The following HMCN1 variants were observed in gnomAD, a reference collection of about 807,000 sequenced individuals.
HMCN1 encodes the protein hemicentin 1, also known as hemicentin-1.
A neutral mutation model predicts 625.9 loss-of-function variants in HMCN1; 321 were observed. The ratio of observed to expected loss-of-function variants is 0.51; its 90% confidence interval spans 0.47 to 0.56. The LOEUF is 0.56. HMCN1 is among the 20% of genes least tolerant of loss of function. HMCN1 has a pLI of 0.00. For missense variants in HMCN1, 6,588 were observed against 6,887.3 expected (o/e 0.96, Z 1.54); for synonymous variants, 2,425 against 2,417.6 (o/e 1.00, Z -0.09).
chr1:185,912,869 C>A (rs971651220), intron 6 of HMCN1, among the ~76,000 whole-genome samples: 1 of 152,046 alleles, frequency 6.6e-6, no homozygotes, highest in Non-Finnish European at 1.5e-5. Context: ...ATGAAGATAT[C>A]CTGTACATTG....
chr1:185,970,011 A>C (rs1650698448), intron 14 of HMCN1, among the ~76,000 whole-genome samples: 1 of 152,134 alleles, frequency 6.6e-6, no homozygotes, highest in African/African-American at 2.4e-5. Flanking sequence ...GATGGTAGAA[A>C]CTTCCTTTCA....
At position 186,057,417 on chromosome 1, in the gene HMCN1, G is replaced by A. The variant is rs1336534059; in HGVS notation, c.7312+16G>A. 1.3e-6 allele frequency: 2 copies of A among 1,561,714 alleles called. No homozygotes were observed. Among genetic ancestry groups the A allele is most frequent in the African/African-American group, 1.4e-5 (1 of 73,732 alleles). ...ATTCTTTCAGGTATTAGAAATTCTG[G>A]TAGCCTTATAATCTTGTTAGCTTCA... On this transcript the variant is annotated intron_variant, in intron 46 of 106. Coordinates refer to ENST00000271588, the MANE Select transcript of HMCN1 (RefSeq NM_031935.3).
At position 186,188,010 on chromosome 1, in the gene HMCN1, G is replaced by GTA. The variant is rs1195749000; in HGVS notation, c.16541+3_16541+4dup. On this transcript the variant is annotated splice_donor_variant, in intron 106 of 106. Transcript: ENST00000271588. LOFTEE classifies it high-confidence loss of function. ...ACTACCAACGGGATCCTGTTTCAGGGTATGTCTTGCCTTCTCATCCCAGAC... is the reference window on the plus strand; with the variant it reads ...ACTACCAACGGGATCCTGTTTCAGGGTATATGTCTTGCCTTCTCATCCCAGAC... 3.5e-5 allele frequency: 57 copies of GTA among 1,613,676 alleles called. No homozygotes were observed. Among genetic ancestry groups the GTA allele is most frequent in the Non-Finnish European group, 4.5e-5 (53 of 1,179,760 alleles).
intron 100 of HMCN1, among the ~76,000 whole-genome samples, chr1:186,167,448 G>C (rs685486): frequency 1.4e-4 from 22 of 152,220 alleles, no homozygotes; most frequent in Admixed American, 3.9e-4. Flanking sequence ...TCTCACACCA[G>C]GGCGGTACGT....
At chr1:185,874,362 G>A (rs1319097028) in intron 4 of HMCN1, among the ~76,000 whole-genome samples, 1 of 151,932 alleles carries the variant, frequency 6.6e-6, no homozygotes, top group East Asian at 1.9e-4. Flanking sequence ...AATAGCAAAG[G>A]GGAGATGAAA....
chr1:186,071,709 A>G (rs1337274785), intron 52 of HMCN1, among the ~76,000 whole-genome samples: 2 of 152,190 alleles, frequency 1.3e-5, no homozygotes, highest in African/African-American at 4.8e-5. Flanking sequence ...GTCATCTTAT[A>G]AAATAAGCAA....
chr1:186,115,179 T>A, intron 74 of HMCN1, 79 bp from the exon 75 acceptor site: 1 of 1,552,178 alleles, frequency 6.4e-7, no homozygotes, highest in Non-Finnish European at 8.9e-7. Flanking sequence ...TAATGACTAA[T>A]TTCAGTTCAG....
At chr1:186,136,451 A>T (rs1649607416) in intron 86 of HMCN1, among the ~76,000 whole-genome samples, 2 of 152,160 alleles carry the variant, frequency 1.3e-5, no homozygotes, top group Admixed American at 6.6e-5. Flanking sequence ...GCTCTAGGCT[A>T]ATCTCAGGAA....
At chr1:186,128,711 T>C (rs1228676032) in intron 83 of HMCN1, among the ~76,000 whole-genome samples, 1 of 152,022 alleles carries the variant, frequency 6.6e-6, no homozygotes, top group African/African-American at 2.4e-5. Flanking sequence ...CCTCAACCTC[T>C]ATTATAGTGT....
At chr1:186,143,304 A>G (rs760237197) in intron 89 of HMCN1, among the ~76,000 whole-genome samples, 3 of 152,240 alleles carry the variant, frequency 2.0e-5, no homozygotes, top group Non-Finnish European at 4.4e-5. Flanking sequence ...ATTTCTGCTC[A>G]TATTTTGATT....
intron 69 of HMCN1, among the ~76,000 whole-genome samples, chr1:186,105,389 GT>G (rs1216295765): frequency 2.0e-5 from 3 of 152,148 alleles, no homozygotes; most frequent in Admixed American, 6.5e-5. Context: ...TCTCAACTTT[GT>G]TTTTTCGTGT....
rs57003461 is a variant in HMCN1 at position 185,776,442 on chromosome 1, T to TTGTGTG, written c.268+41425_268+41430dup. Among the ~76,000 whole-genome samples the TTGTGTG allele has an allele frequency of 2.7e-3, 395 of 147,096 alleles. 4 individuals are homozygous for TTGTGTG. Among genetic ancestry groups the TTGTGTG allele is most frequent in the African/African-American group, 8.9e-3 (356 of 40,188 alleles). On this transcript the variant is annotated intron_variant, in intron 1 of 106. Transcript: ENST00000271588. ...AAGTATTAACAATAATTGTATAGGG[T>TTGTGTG]TGTGTGTGTGTGTGTGTGTGTGTGT...
chr1:186,107,244 C>G (rs1484235034), intron 70 of HMCN1, among the ~76,000 whole-genome samples: 1 of 152,128 alleles, frequency 6.6e-6, no homozygotes, highest in Non-Finnish European at 1.5e-5. Context: ...TGCCACCACG[C>G]CCGGCTAATT....
At chr1:186,113,936 T>C (rs770089268) in intron 72 of HMCN1, 43 bp from the exon 73 acceptor site, 14 of 1,610,614 alleles carry the variant, frequency 8.7e-6, no homozygotes, top group Non-Finnish European at 1.2e-5. Flanking sequence ...CAGGCTGTAT[T>C]ATTTAGTCTC....
rs759967411 is a variant in HMCN1, at chr1:185,735,006, G to T, written c.227G>T (p.Arg76Ile). The change falls in exon 1 of 107, where the codon AGA becomes ATA. Residue 76 changes from arginine to isoleucine, a missense_variant. Around this residue, in one of 3 missense-constraint regions of HMCN1, gnomAD observed 4,628 missense variants for 4,853.1 expected, o/e 0.95. Coordinates refer to ENST00000271588, the MANE Select transcript of HMCN1 (RefSeq NM_031935.3). ...ILETSLKRPK[R>I]PLFNFALVPF... ...GAGACGTCTTTGAAAAGACCTAAAA[G>T]ACCTCTTTTCAACTTTGCGTTGGTG... 3.7e-6 allele frequency: 6 copies of T among 1,614,010 alleles called. No individual in the cohort carries two copies. The highest frequency in any genetic ancestry group is 1.3e-5 in the African/African-American group (1 of 74,900).
At chr1:186,107,958 G>C (rs772488285) in intron 70 of HMCN1, among the ~76,000 whole-genome samples, 22 of 146,276 alleles carry the variant, frequency 1.5e-4, no homozygotes, top group Non-Finnish European at 2.7e-4. Flanking sequence ...TAGCCTAAAT[G>C]ACTAGGCAGC....
intron 1 of HMCN1, among the ~76,000 whole-genome samples, chr1:185,798,491 C>T (rs745899540): frequency 9.2e-5 from 14 of 152,136 alleles, no homozygotes; most frequent in Non-Finnish European, 1.5e-4. Context: ...TTTTTCTTCT[C>T]CCTCAGGAAT....
At chr1:186,130,741 G>A in intron 85 of HMCN1, 44 bp downstream of exon 85, 1 of 1,521,162 alleles carries the variant, frequency 6.6e-7, no homozygotes, top group Non-Finnish European at 9.1e-7. Flanking sequence ...AACCCCCACA[G>A]CCAATACCCC....
Position 185,989,653 on chromosome 1 carries a change from A to T in HMCN1, c.3208+6A>T, listed in dbSNP as rs202112322. On this transcript the variant is annotated splice_donor_region_variant and intron_variant, in intron 21 of 106. Coordinates refer to ENST00000271588, the MANE Select transcript of HMCN1 (RefSeq NM_031935.3). ...AGTGCAGCTAACAGTCTATGGTGAG[A>T]GCTGGTGGAGGAATGGTTTTTATTG... is the stretch of plus-strand genomic sequence containing the variant. 60 of 1,613,688 alleles carry T rather than the reference A, an allele frequency of 3.7e-5. No homozygotes were observed. The East Asian group carries it at 1.3e-3, about 34-fold the overall frequency.
Sources: allele counts gnomAD v4.1 joint callset (sites outside exome capture counted in the v4.1 genomes callset), GRCh38; gene constraint gnomAD v4.1.1; regional missense constraint gnomAD v4.1.1; transcripts MANE v1.5; gene names NCBI Gene and HGNC (gene_info 2026-07-23, HGNC 2026-07-21).